The following CDH4 variants were observed in gnomAD, a reference collection of about 807,000 sequenced individuals.
CDH4 encodes cadherin-4.
CDH4 carries 33 observed loss-of-function variants against 86.0 expected under a neutral mutation model. That is an observed-to-expected ratio of 0.38 (90% CI 0.29 to 0.51). The LOEUF is 0.51. CDH4 is among the 20% of genes least tolerant of loss of function. The pLI is 0.86. For synonymous variants in CDH4, 555 were observed against 549.4 expected (o/e 1.01, Z -0.14); for missense variants, 1,114 against 1,307.4 (o/e 0.85, Z 2.28).
intron 7 of CDH4, among the ~76,000 whole-genome samples, chr20:61,885,813 G>C (rs1351628581): frequency 3.3e-5 from 5 of 152,194 alleles, no homozygotes; most frequent in Non-Finnish European, 7.3e-5. Flanking sequence ...GCCTGAGGAT[G>C]AGACGGAGAG....
At chr20:61,487,531 G>A (rs1208416173) in intron 2 of CDH4, among the ~76,000 whole-genome samples, 1 of 152,174 alleles carries the variant, frequency 6.6e-6, no homozygotes, top group African/African-American at 2.4e-5. Context: ...ATGGCCACAG[G>A]GAGTTTGTGT....
chr20:61,515,825 C>T (rs150864430), intron 2 of CDH4, among the ~76,000 whole-genome samples: 6 of 152,298 alleles, frequency 3.9e-5, no homozygotes, highest in South Asian at 2.1e-4. Context: ...TCTCCTAGCT[C>T]GCTCTCTCTC....
chr20:61,295,955 G>A (rs1438989613), intron 2 of CDH4, among the ~76,000 whole-genome samples: 1 of 152,216 alleles, frequency 6.6e-6, no homozygotes, highest in African/African-American at 2.4e-5. Context: ...TGGGTATCGC[G>A]GAGGCCGTGG....
At chr20:61,801,557 A>G (rs1979831463) in intron 4 of CDH4, among the ~76,000 whole-genome samples, 1 of 152,164 alleles carries the variant, frequency 6.6e-6, no homozygotes, top group Admixed American at 6.5e-5. Flanking sequence ...GTAGCCCCAC[A>G]TGGTGCTGGA....
At chr20:61,757,336 G>A (rs535640974) in intron 3 of CDH4, among the ~76,000 whole-genome samples, 2 of 152,356 alleles carry the variant, frequency 1.3e-5, no homozygotes, top group South Asian at 4.1e-4. Context: ...ACGGCAGCTT[G>A]TAACTCTTCA....
intron 2 of CDH4, among the ~76,000 whole-genome samples, chr20:61,680,956 G>A (rs1218385333): frequency 1.3e-5 from 2 of 152,150 alleles, no homozygotes; most frequent in Admixed American, 6.6e-5. Context: ...TAGCTCTCTG[G>A]GCAGTGAGGG....
At chr20:61,765,126 C>T (rs1195000390) in intron 3 of CDH4, among the ~76,000 whole-genome samples, 1 of 152,178 alleles carries the variant, frequency 6.6e-6, no homozygotes, top group Non-Finnish European at 1.5e-5. Flanking sequence ...GAGGAAATGG[C>T]CCTGTCCCTG....
chr20:61,512,382 A>G (rs550634271), intron 2 of CDH4, among the ~76,000 whole-genome samples: 1 of 152,312 alleles, frequency 6.6e-6, no homozygotes, highest in South Asian at 2.1e-4. Context: ...AGACCCGATC[A>G]TTTCAATCGA....
chr20:61,879,098 G>A lies in CDH4; in HGVS notation c.1050+5198G>A, dbSNP rs1471107288. On this transcript the variant is annotated intron_variant, in intron 7 of 15. Transcript: ENST00000614565. This position sits in a 1 kb window ranked among gnomAD's most constrained non-coding sequence, Gnocchi z 4.1. The stretch of plus-strand genomic sequence containing the variant: ...ACGGCTCCAGGACCACCGTTGCCAG[G>A]CATTAGTAAACCCACGCAGGCGGCC... Among the ~76,000 whole-genome samples, 1 of 152,220 alleles carries A rather than the reference G, an allele frequency of 6.6e-6. No homozygotes were observed. Among genetic ancestry groups the A allele is most frequent in the East Asian group, 1.9e-4 (1 of 5,198 alleles).
At chr20:61,717,937 G>A (rs191645656) in intron 2 of CDH4, 85 of 152,354 alleles carry the variant, frequency 5.6e-4, no homozygotes, top group Non-Finnish European at 1.0e-3. Context: ...GAGGGAGGCC[G>A]AGGAGCCCAC....
intron 2 of CDH4, among the ~76,000 whole-genome samples, chr20:61,730,568 C>A: frequency 6.6e-6 from 1 of 152,198 alleles, no homozygotes; most frequent in East Asian, 1.9e-4. Flanking sequence ...TCCTGGGTGC[C>A]AAAGTCACCT....
chr20:61,351,593 A>G (rs2084712965), intron 2 of CDH4, among the ~76,000 whole-genome samples: 1 of 152,216 alleles, frequency 6.6e-6, no homozygotes, highest in African/African-American at 2.4e-5. Context: ...GGGACGTGAG[A>G]TGTTTTGATA....
chr20:61,295,685 C>A (rs998170843), intron 2 of CDH4, among the ~76,000 whole-genome samples: 1 of 152,124 alleles, frequency 6.6e-6, no homozygotes, highest in Non-Finnish European at 1.5e-5. Context: ...AGCAGAGTGG[C>A]CTGGGCAGAG....
chr20:61,271,345 G>A (rs1163811880), intron 2 of CDH4, among the ~76,000 whole-genome samples: 2 of 152,204 alleles, frequency 1.3e-5, no homozygotes, highest in East Asian at 3.9e-4. Flanking sequence ...TAATTTCCCA[G>A]TGCCCTTTGG....
At chr20:61,884,439 G>A (rs1984441410) in intron 7 of CDH4, among the ~76,000 whole-genome samples, 1 of 152,206 alleles carries the variant, frequency 6.6e-6, no homozygotes, top group Admixed American at 6.5e-5. Context: ...GAGAGACAGT[G>A]GCAGTGGACG....
chr20:61,798,317 C>T (rs1216410494), intron 4 of CDH4, among the ~76,000 whole-genome samples: 5 of 152,176 alleles, frequency 3.3e-5, no homozygotes, highest in Admixed American at 1.3e-4. Context: ...GGCGGCCCCT[C>T]GCTGCGCCTC....
chr20:61,718,959 C>T (rs1465542036), intron 2 of CDH4: 2 of 471,074 alleles, frequency 4.2e-6, no homozygotes, highest in Admixed American at 4.7e-5. Flanking sequence ...GGTCTTCTCT[C>T]CTCGCCCTGC....
intron 2 of CDH4, among the ~76,000 whole-genome samples, chr20:61,316,813 C>A (rs2427074): frequency 0.25 from 38,328 of 151,938 alleles, 5,626 homozygotes; most frequent in African/African-American, 0.41. Context: ...AGAGCTGGGG[C>A]CTGGCCACCC....
chr20:61,324,489 G>A (rs545794796), intron 2 of CDH4, among the ~76,000 whole-genome samples: 3 of 152,146 alleles, frequency 2.0e-5, no homozygotes, highest in African/African-American at 4.8e-5. Context: ...GCAGACCTTG[G>A]CTGTGGGCTC....
Sources: gnomAD v4.1 joint callset for allele counts (sites outside exome capture counted in the v4.1 genomes callset) on GRCh38, gnomAD v4.1.1 for gene constraint, Gnocchi (gnomAD v3.1) non-coding constraint, MANE v1.5 for transcripts, NCBI Gene and HGNC (gene_info 2026-07-23, HGNC 2026-07-21) for gene names.